The following SLC7A6OS variants were observed in gnomAD, a reference collection of about 807,000 sequenced individuals.
The protein encoded by SLC7A6OS is solute carrier family 7 member 6 opposite strand.
In SLC7A6OS, 22 loss-of-function variants were observed where a neutral mutation model predicts 34.3. The observed-to-expected ratio is 0.64, with a 90% CI of 0.46 to 0.92. The LOEUF (loss-of-function observed/expected upper bound fraction) is 0.92. Among genes scored for constraint, SLC7A6OS ranks in the 40% least tolerant of loss-of-function variants. The pLI is 0.00. For synonymous variants in SLC7A6OS, 199 were observed against 165.0 expected (o/e 1.21, Z -1.58); for missense variants, 434 against 407.7 (o/e 1.06, Z -0.56).
At chr16:68,307,729 T>G (rs1041665178) in intron 2 of SLC7A6OS, among the ~76,000 whole-genome samples, 1 of 152,204 alleles carries the variant, frequency 6.6e-6, no homozygotes, top group African/African-American at 2.4e-5. Context: ...CCTGCTAGTC[T>G]AGTATGCATA....
intron 2 of SLC7A6OS, among the ~76,000 whole-genome samples, chr16:68,306,133 A>G (rs2043324917): frequency 1.3e-5 from 2 of 152,256 alleles, no homozygotes; most frequent in African/African-American, 4.8e-5. Context: ...AACCAGTTCT[A>G]TTCTACCTAC....
At chr16:68,305,143 T>C (rs2043317719) in intron 2 of SLC7A6OS, among the ~76,000 whole-genome samples, 1 of 152,154 alleles carries the variant, frequency 6.6e-6, no homozygotes, top group South Asian at 2.1e-4. Flanking sequence ...CTGAGATCCT[T>C]TGGTATTATA....
At chr16:68,309,018 CT>C (rs1275032355) in intron 2 of SLC7A6OS, among the ~76,000 whole-genome samples, 9 of 148,566 alleles carry the variant, frequency 6.1e-5, no homozygotes, top group Non-Finnish European at 1.2e-4. Context: ...TGCCAATGCA[CT>C]CTAGCCTGGG....
chr16:68,310,206 T>C (rs1597029760), intron 2 of SLC7A6OS, 129 bp downstream of exon 2: 1 of 1,067,382 alleles, frequency 9.4e-7, no homozygotes, highest in Non-Finnish European at 1.3e-6. Context: ...CAACCAAATC[T>C]GTAAAATGAG....
rs2043267697 is a variant in SLC7A6OS at position 68,301,255 on chromosome 16, T to G, written c.*20A>C. The G allele has an allele frequency of 6.2e-7, 1 of 1,612,630 alleles. No individual in the cohort carries two copies. The highest frequency in any genetic ancestry group is 8.5e-7 in the Non-Finnish European group (1 of 1,179,174). On this transcript the variant is annotated 3_prime_UTR_variant, in exon 5 of 5. Coordinates refer to ENST00000263997, the MANE Select transcript of SLC7A6OS (RefSeq NM_032178.3). ...GCCCTCAAGGGCATGTGGCAGAACCTCATGGACATCACAAGACCATCAGTC... is the reference window on the plus strand; with the variant it reads ...GCCCTCAAGGGCATGTGGCAGAACCGCATGGACATCACAAGACCATCAGTC...
chr16:68,305,687 G>A (rs1030040436), intron 2 of SLC7A6OS, among the ~76,000 whole-genome samples: 1 of 152,182 alleles, frequency 6.6e-6, no homozygotes, highest in Non-Finnish European at 1.5e-5. Flanking sequence ...AGAACCTTGA[G>A]CAAACTTAAA....
Position 68,304,120 on chromosome 16 carries a change from T to C in SLC7A6OS, c.584A>G (p.Asp195Gly). 6.2e-7 allele frequency: 1 copy of C among 1,614,078 alleles called. No individual in the cohort carries two copies. The highest frequency in any genetic ancestry group is 8.5e-7 in the Non-Finnish European group (1 of 1,179,946). ...CAAGTAGTAAATGTCATACACATAG[T>C]CATCGTGTTTTTGTTCTTCCTGGCG... is the stretch of plus-strand genomic sequence containing the variant. ...VRRQEEQKHD[D>G]YVYDIYYLET... The change falls in exon 3 of 5, where the codon GAC becomes GGC. Residue 195 changes from aspartate (D) to glycine (G), a missense_variant. By Grantham distance (94) the Asp-to-Gly change is moderately conservative (BLOSUM62 -1). Transcript: ENST00000263997.
chr16:68,310,377 G>A lies in SLC7A6OS; in HGVS notation c.429C>T (p.His143=), dbSNP rs1273128287. The A allele has an allele frequency of 6.2e-7, 1 of 1,610,320 alleles. No homozygotes were observed. The highest frequency in any genetic ancestry group is 2.2e-5 in the East Asian group (1 of 44,772). Reference sequence around the variant, plus strand: ...AGGCGGCTTCAGGTTCTCCCTCCTCGTGGACAAGGTCTAACAACTGAAAGC... The same window carrying A: ...AGGCGGCTTCAGGTTCTCCCTCCTCATGGACAAGGTCTAACAACTGAAAGC... ...NSGFQLLDLV[H]EEGEPEAASA... is the part of the protein sequence containing the mutation. Residue 143 remains histidine (H), a synonymous_variant, in exon 2 of 5, where the codon CAC becomes CAT. Transcript: ENST00000263997.
chr16:68,305,200 T>C (rs1597022391), intron 2 of SLC7A6OS, among the ~76,000 whole-genome samples: 1 of 152,160 alleles, frequency 6.6e-6, no homozygotes, highest in South Asian at 2.1e-4. Context: ...AGCACCCCTA[T>C]GGCTGAACCT....
In SLC7A6OS at chr16:68,301,233, C is replaced by G. The variant is rs952367352; in HGVS notation, c.*42G>C. The G allele has an allele frequency of 1.9e-6, 3 of 1,600,672 alleles. No homozygotes were observed. The highest frequency in any genetic ancestry group is 2.6e-6 in the Non-Finnish European group (3 of 1,171,802). ...GGCAGTTAACTCTGGACTCAGAGCC[C>G]TCAAGGGCATGTGGCAGAACCTCAT... On this transcript the variant is annotated 3_prime_UTR_variant, in exon 5 of 5. Transcript: ENST00000263997.
chr16:68,302,367 GGGC>G lies in SLC7A6OS; in HGVS notation c.799+11_799+13del. The G allele has an allele frequency of 6.2e-7, 1 of 1,613,916 alleles. No homozygotes were observed. The highest frequency in any genetic ancestry group is 8.5e-7 in the Non-Finnish European group (1 of 1,179,956). Reference sequence around the variant, plus strand: ...GATCCTACCAGTCCCTCCCGGTCTGGGGCTGCCACCCACCTCTGGAATCCTCAT... The same window carrying G: ...GATCCTACCAGTCCCTCCCGGTCTGGTGCCACCCACCTCTGGAATCCTCAT... On this transcript the variant is annotated intron_variant, in intron 4 of 4. Transcript: ENST00000263997.
intron 2 of SLC7A6OS, among the ~76,000 whole-genome samples, chr16:68,306,823 TATTCATTCATTC>T (rs3068658): frequency 2.9e-4 from 43 of 150,364 alleles, no homozygotes; most frequent in Admixed American, 6.7e-4. Flanking sequence ...TGTCCATGTG[TATTCATTCATTC>T]ATTCATTCAT....
chr16:68,310,606 G>A lies in SLC7A6OS; in HGVS notation c.200C>T (p.Pro67Leu), dbSNP rs1176910039. 4 of 1,598,014 alleles carry A rather than the reference G, an allele frequency of 2.5e-6. No homozygotes were observed. Among genetic ancestry groups the A allele is most frequent in the Non-Finnish European group, 3.4e-6 (4 of 1,172,668 alleles). Residue 67 changes from proline to leucine, a missense_variant, in exon 2 of 5, where the codon CCA becomes CTA. Coordinates refer to ENST00000263997, the MANE Select transcript of SLC7A6OS (RefSeq NM_032178.3). ...AACTTCCCGCAGGAGAGGCTGGACT[G>A]GTTCCTCCTAGGGGGCAACAGGGGA... is the stretch of plus-strand genomic sequence containing the variant. ...LVATVCSQEE[P>L]VQPLLREVLR...
intron 4 of SLC7A6OS, 22 bp from the exon 5 acceptor site, chr16:68,301,427 G>A (rs760439405): frequency 1.2e-6 from 2 of 1,607,060 alleles, no homozygotes; most frequent in Admixed American, 1.7e-5. Flanking sequence ...TCCCGGGAGT[G>A]GATTCTAAAT....
At position 68,299,500 on chromosome 16, in the gene SLC7A6OS, C is replaced by T. The variant is rs1430120777; in HGVS notation, c.*1775G>A. 6.6e-6 allele frequency: 1 copy of T among 152,636 alleles called. No individual in the cohort carries two copies. The highest frequency in any genetic ancestry group is 1.5e-5 in the Non-Finnish European group (1 of 68,056). 9.5% of individuals were successfully genotyped at this position (152,636 alleles called of 1,614,324 possible). ...CCAGAGGATCCCTACAGCACTCAAG[C>T]TTCATGGTGGAATTAATTTCTGCCA... On this transcript the variant is annotated 3_prime_UTR_variant, in exon 5 of 5. Coordinates refer to ENST00000263997, the MANE Select transcript of SLC7A6OS (RefSeq NM_032178.3).
Position 68,310,762 on chromosome 16 carries a change from G to T in SLC7A6OS, c.165C>A (p.Phe55Leu), listed in dbSNP as rs1214262934. Residue 55 changes from phenylalanine to leucine, a missense_variant, in exon 1 of 5, where the codon TTC becomes TTA. By Grantham distance (22) the Phe-to-Leu change is conservative. Transcript: ENST00000263997. ...GGGAGCACACAGTGGCCACCAAGTG[G>T]AAGACATTATTCTCCGCCGCTCTCT... ...GLERAAENNV[F>L]HLVATVCSQE... 6.2e-7 allele frequency: 1 copy of T among 1,612,384 alleles called. No homozygotes were observed. Among genetic ancestry groups the T allele is most frequent in the Non-Finnish European group, 8.5e-7 (1 of 1,178,912 alleles).
chr16:68,302,592 T>C (rs1026704034), intron 3 of SLC7A6OS, 91 bp from the exon 4 acceptor site: 27 of 1,535,046 alleles, frequency 1.8e-5, no homozygotes, highest in Admixed American at 8.5e-5. Flanking sequence ...TGAAGAGATA[T>C]CATGTAAAAG....
Position 68,299,661 on chromosome 16 carries a change from G to T in SLC7A6OS, c.*1614C>A, listed in dbSNP as rs758905654. 3 of 152,198 alleles carry T rather than the reference G, an allele frequency of 2.0e-5. No homozygotes were observed. Among genetic ancestry groups the T allele is most frequent in the Non-Finnish European group, 4.4e-5 (3 of 68,028 alleles). 9.4% of individuals were successfully genotyped at this position (152,198 alleles called of 1,614,324 possible). A position where few individuals can be genotyped will look rare whatever the true frequency, so the allele number is the denominator to read the frequency against. On this transcript the variant is annotated 3_prime_UTR_variant, in exon 5 of 5. Coordinates refer to ENST00000263997, the MANE Select transcript of SLC7A6OS (RefSeq NM_032178.3). ...GAGTATAAATAGCAGGGAGCACATT[G>T]TAACAGCACAGTGTTTTGTTTTTTT...
chr16:68,300,498 G>T lies in SLC7A6OS; in HGVS notation c.*777C>A. 1 of 529,192 alleles carries T rather than the reference G, an allele frequency of 1.9e-6. No homozygotes were observed. Among genetic ancestry groups the T allele is most frequent in the Non-Finnish European group, 2.4e-6 (1 of 413,112 alleles). The allele number at this position is 529,192 out of a possible 1,614,324, so 32.8% of individuals were successfully genotyped here. On this transcript the variant is annotated 3_prime_UTR_variant, in exon 5 of 5. Transcript: ENST00000263997. ...GAAAGCTAAGTTCAGAAGGTACTTT[G>T]TTTTTCCTCCCTTGCCTTAAGTCCT...
Sources: allele counts gnomAD v4.1 joint callset (sites outside exome capture counted in the v4.1 genomes callset), GRCh38; gene constraint gnomAD v4.1.1; transcripts MANE v1.5; gene names NCBI Gene and HGNC (gene_info 2026-07-23, HGNC 2026-07-21).